Variants in ACSL1 observed in about 807,000 individuals in gnomAD.
The protein encoded by ACSL1 is acyl-CoA synthetase long chain family member 1.
In ACSL1, 41 loss-of-function variants were observed where a neutral mutation model predicts 98.4. The observed-to-expected ratio is 0.42, with a 90% CI of 0.32 to 0.54. ACSL1 has a LOEUF of 0.54. Among genes scored for constraint, ACSL1 ranks in the 20% least tolerant of loss-of-function variants. The pLI is 0.13. For synonymous variants in ACSL1, 316 were observed against 322.7 expected, an observed-to-expected ratio of 0.98 and a Z score of 0.22; for missense variants, 734 against 883.1, an observed-to-expected ratio of 0.83 and a Z score of 2.14.
intron 5 of ACSL1, among the ~76,000 whole-genome samples, chr4:184,779,874 CTT>C (rs71591667): frequency 2.1e-4 from 29 of 141,296 alleles, no homozygotes; most frequent in Admixed American, 2.8e-4. Flanking sequence ...GTTTTCCTTT[CTT>C]TTTTTTTTTT....
At position 184,808,447 on chromosome 4, in the gene ACSL1, T is replaced by A. The variant is rs1197847882; in HGVS notation, c.-32-4901A>T. The A allele has an allele frequency of 3.0e-6, 3 of 985,312 alleles. No individual in the cohort carries two copies. In the African/African-American group the frequency reaches 5.2e-5, roughly 17 times the overall value. 61.0% of individuals were successfully genotyped at this position (985,312 alleles called of 1,614,324 possible). On this transcript the variant is annotated intron_variant, in intron 1 of 20. Coordinates refer to ENST00000281455, the MANE Select transcript of ACSL1 (RefSeq NM_001995.5). ...AATGCAGCCCTCAAACAAACCCACA[T>A]AAATGACACCCTTGCCCCTGCAGTG... is the stretch of plus-strand genomic sequence containing the variant.
chr4:184,763,997 C>T (rs1246929922), intron 15 of ACSL1, among the ~76,000 whole-genome samples: 2 of 152,132 alleles, frequency 1.3e-5, no homozygotes, highest in Non-Finnish European at 2.9e-5. Context: ...AGACTGTCTG[C>T]GTTAATTCCA....
chr4:184,756,549 A>T lies in ACSL1; in HGVS notation c.*576T>A, dbSNP rs1762141714. ...AACAGAAACCACAGGGGACTGGAGA[A>T]GAACATGAGTTTCGTAACCCTTACG... On this transcript the variant is annotated 3_prime_UTR_variant, in exon 21 of 21. Transcript: ENST00000281455. 6.5e-6 allele frequency: 1 copy of T among 152,704 alleles called. No homozygotes were observed. Among genetic ancestry groups the T allele is most frequent in the African/African-American group, 2.4e-5 (1 of 41,466 alleles). 9.5% of individuals were successfully genotyped at this position (152,704 alleles called of 1,614,324 possible). A position where few individuals can be genotyped will look rare whatever the true frequency, so the allele number is the denominator to read the frequency against.
At position 184,787,338 on chromosome 4, in the gene ACSL1, G is replaced by A. The variant is rs907119026; in HGVS notation, c.310+1279C>T. Among the ~76,000 whole-genome samples the A allele has an allele frequency of 2.6e-5, 4 of 152,202 alleles. No individual in the cohort carries two copies. The South Asian group carries it at 6.2e-4, about 24-fold the overall frequency. On this transcript the variant is annotated intron_variant, in intron 3 of 20. Coordinates refer to ENST00000281455, the MANE Select transcript of ACSL1 (RefSeq NM_001995.5). ...TAACCACCCTGTTCTCAAGGAGCTC[G>A]GGCTAGGGGGGCAGAATGCCAGGTG... is the stretch of plus-strand genomic sequence containing the variant.
intron 5 of ACSL1, among the ~76,000 whole-genome samples, chr4:184,777,601 A>G (rs1023888329): frequency 6.6e-6 from 1 of 152,028 alleles, no homozygotes; most frequent in African/African-American, 2.4e-5. Flanking sequence ...AAGGAGAGAA[A>G]GAGAGAAAGA....
chr4:184,795,189 T>C (rs749773874), intron 2 of ACSL1, among the ~76,000 whole-genome samples: 1 of 152,232 alleles, frequency 6.6e-6, no homozygotes, highest in Non-Finnish European at 1.5e-5. Flanking sequence ...CACATTCCCA[T>C]CTACTACCTT....
intron 1 of ACSL1, chr4:184,805,538 C>T: frequency 3.0e-6 from 3 of 985,548 alleles, no homozygotes; most frequent in Non-Finnish European, 3.6e-6. Context: ...ATCTGTGCCA[C>T]CAACAGCTGA....
chr4:184,768,851 C>T (rs1278441173), intron 11 of ACSL1, among the ~76,000 whole-genome samples: 1 of 152,134 alleles, frequency 6.6e-6, no homozygotes, highest in African/African-American at 2.4e-5. Context: ...AGGTGGATCA[C>T]TTGAGGTCAG....
rs1223227727 is a variant in ACSL1, at chr4:184,788,656, T to C, written c.271A>G (p.Thr91Ala). 1 of 1,614,186 alleles carries C rather than the reference T, an allele frequency of 6.2e-7. No individual in the cohort carries two copies. Among genetic ancestry groups the C allele is most frequent in the South Asian group, 1.1e-5 (1 of 91,084 alleles). ...CCCCTCTGGAAACCTTCGTATAATG[T>C]TGTGACATCATCATAGAAATACACC... is the stretch of plus-strand genomic sequence containing the variant. ...PLVYFYDDVT[T>A]LYEGFQRGIQ... is the part of the protein sequence containing the mutation. Residue 91 changes from threonine to alanine, a missense_variant, in exon 3 of 21, where the codon ACA (threonine) becomes GCA (alanine). Transcript: ENST00000281455.
chr4:184,816,928 C>T (rs1226967477), intron 1 of ACSL1, among the ~76,000 whole-genome samples: 1 of 152,046 alleles, frequency 6.6e-6, no homozygotes, highest in African/African-American at 2.4e-5. Context: ...CAGCATAATA[C>T]TTAATTATCA....
intron 5 of ACSL1, among the ~76,000 whole-genome samples, chr4:184,777,452 T>C (rs1765474252): frequency 6.8e-6 from 1 of 147,572 alleles, no homozygotes; most frequent in Non-Finnish European, 1.5e-5. Context: ...AGTGAGATCC[T>C]GTATGTATGT....
In ACSL1 at chr4:184,786,454, ACACACT is replaced by A. The variant is rs200399085; in HGVS notation, c.310+2157_310+2162del. On this transcript the variant is annotated intron_variant, in intron 3 of 20. Transcript: ENST00000281455. Reference sequence around the variant, plus strand: ...CACACACACACACACACACACACACACACACTGTTTCATGTGCCATATGTTAGGCTG... The same window carrying A: ...CACACACACACACACACACACACACAGTTTCATGTGCCATATGTTAGGCTG... 3.5e-3 allele frequency among the ~76,000 whole-genome samples: 506 copies of A among 143,930 alleles called. 3 individuals are homozygous for A. The highest frequency in any genetic ancestry group is 0.029 in the South Asian group (131 of 4,514). 94.4% of individuals were successfully genotyped at this position (143,930 alleles called of 152,430 possible). A position where few individuals can be genotyped will look rare whatever the true frequency, so the allele number is the denominator to read the frequency against.
intron 1 of ACSL1, chr4:184,821,067 T>G (rs968764663): frequency 9.2e-5 from 42 of 456,162 alleles, no homozygotes; most frequent in Non-Finnish European, 1.8e-4. Context: ...AGGACCTACC[T>G]TACAGGGTTG....
chr4:184,780,967 G>A (rs983025011), intron 4 of ACSL1, among the ~76,000 whole-genome samples: 5 of 152,020 alleles, frequency 3.3e-5, no homozygotes, highest in African/African-American at 7.3e-5. Context: ...GGCCAGGCAC[G>A]GTGGTTCACG....
Position 184,805,486 on chromosome 4 carries a change from G to A in ACSL1, c.-32-1940C>T, listed in dbSNP as rs1448968979. ...GATAAGCAGATTTCTTCAGGCCATG[G>A]TTCTGGAAAGAAGGCACCAGCACTT... On this transcript the variant is annotated intron_variant, in intron 1 of 20. Transcript: ENST00000281455. 6.1e-6 allele frequency: 6 copies of A among 985,342 alleles called. No individual in the cohort carries two copies. The African/African-American group carries it at 1.0e-4, about 17-fold the overall frequency. The allele number at this position is 985,342 out of a possible 1,614,324, so 61.0% of individuals were successfully genotyped here. A position where few individuals can be genotyped will look rare whatever the true frequency, so the allele number is the denominator to read the frequency against.
chr4:184,772,861 T>C (rs1022524007), intron 10 of ACSL1, among the ~76,000 whole-genome samples: 5 of 152,188 alleles, frequency 3.3e-5, no homozygotes, highest in Non-Finnish European at 7.3e-5. Flanking sequence ...ACTTCATCTG[T>C]CAATTCACCT....
intron 17 of ACSL1, 121 bp downstream of exon 17, chr4:184,762,285 AG>A (rs2150272468): frequency 1.2e-6 from 1 of 806,976 alleles, no homozygotes; most frequent in Non-Finnish European, 2.2e-6. Context: ...CCACTCACCA[AG>A]GAGGAAGGGA....
intron 2 of ACSL1, among the ~76,000 whole-genome samples, chr4:184,800,985 TG>T (rs1770412238): frequency 6.6e-6 from 1 of 152,186 alleles, no homozygotes; most frequent in Non-Finnish European, 1.5e-5. Context: ...CCCGAGTAGC[TG>T]GGACTACAGC....
At chr4:184,793,830 CTTCT>C (rs1056647471) in intron 2 of ACSL1, among the ~76,000 whole-genome samples, 3 of 152,140 alleles carry the variant, frequency 2.0e-5, no homozygotes, top group Admixed American at 6.5e-5. Flanking sequence ...CTTTTTGTTC[CTTCT>C]AATACCTAAC....
Sources: gnomAD v4.1 joint callset for allele counts (sites outside exome capture counted in the v4.1 genomes callset) on GRCh38, gnomAD v4.1.1 for gene constraint, MANE v1.5 for transcripts, NCBI Gene and HGNC (gene_info 2026-07-23, HGNC 2026-07-21) for gene names.